The following EEFSEC variants were observed in gnomAD, a reference collection of about 807,000 sequenced individuals.
The protein encoded by EEFSEC is eukaryotic elongation factor, selenocysteine-tRNA specific.
In EEFSEC, 43 loss-of-function variants were observed where a neutral mutation model predicts 42.1. The observed-to-expected ratio is 1.02, with a 90% CI of 0.80 to 1.32. The LOEUF is 1.32. Ranked by LOEUF, EEFSEC falls within the 40% of genes most tolerant of loss-of-function variation. The pLI is 0.00. For synonymous variants in EEFSEC, 354 were observed against 339.1 expected, an observed-to-expected ratio of 1.04 and a Z score of -0.48; for missense variants, 745 against 803.6, an observed-to-expected ratio of 0.93 and a Z score of 0.88.
chr3:128,367,335 G>C (rs1055370817), intron 6 of EEFSEC, among the ~76,000 whole-genome samples: 3 of 152,190 alleles, frequency 2.0e-5, no homozygotes, highest in Non-Finnish European at 2.9e-5. Context: ...GTGCACAGAA[G>C]GTGCACAATG....
intron 6 of EEFSEC, among the ~76,000 whole-genome samples, chr3:128,393,625 TGCAACCTGCCCAGG>T (rs2067943455): frequency 6.6e-6 from 1 of 152,204 alleles, no homozygotes; most frequent in South Asian, 2.1e-4. Flanking sequence ...CACTAAGAGA[TGCAACCTGCCCAGG>T]GCAGAGGCAC....
intron 4 of EEFSEC, among the ~76,000 whole-genome samples, chr3:128,303,047 A>G (rs936603153): frequency 2.0e-5 from 3 of 152,210 alleles, no homozygotes; most frequent in Non-Finnish European, 4.4e-5. Context: ...TTGTATGAGT[A>G]TATCCATGGG....
intron 4 of EEFSEC, among the ~76,000 whole-genome samples, chr3:128,339,828 A>G (rs538058737): frequency 8.8e-4 from 134 of 152,348 alleles, no homozygotes; most frequent in African/African-American, 3.1e-3. Context: ...AGGCTTCACA[A>G]TCATGGTGGA....
intron 6 of EEFSEC, chr3:128,367,722 C>A: frequency 3.0e-6 from 3 of 985,422 alleles, no homozygotes; most frequent in Non-Finnish European, 3.6e-6. Context: ...GAGTGAAGCA[C>A]CACAGTTGGT....
chr3:128,182,884 G>A (rs1310148677), intron 1 of EEFSEC, among the ~76,000 whole-genome samples: 2 of 77,952 alleles, frequency 2.6e-5, no homozygotes, highest in Non-Finnish European at 5.4e-5. Context: ...AGATCGGGGC[G>A]GGGGGGTGGG....
chr3:128,423,478 C>CAATAAATAAATAAATA, the EEFSEC span, among the ~76,000 whole-genome samples: 73 of 150,538 alleles, frequency 4.8e-4, no homozygotes, highest in African/African-American at 1.8e-3. Context: ...GACCCTGTCT[C>CAATAAATAAATAAATA]AATAAATAAA....
intron 4 of EEFSEC, among the ~76,000 whole-genome samples, chr3:128,281,181 A>G (rs1354395731): frequency 6.6e-6 from 1 of 152,216 alleles, no homozygotes; most frequent in Non-Finnish European, 1.5e-5. Context: ...AAGTTAAGTC[A>G]CATATTTTAA....
chr3:128,181,491 A>G (rs1213746032), intron 1 of EEFSEC, among the ~76,000 whole-genome samples: 1 of 152,226 alleles, frequency 6.6e-6, no homozygotes, highest in African/African-American at 2.4e-5. Context: ...ATCCTGATCC[A>G]GATTTAGAAA....
chr3:128,290,749 T>G (rs2066634794), intron 4 of EEFSEC, among the ~76,000 whole-genome samples: 1 of 152,076 alleles, frequency 6.6e-6, no homozygotes. Flanking sequence ...GTTGTTTTGT[T>G]TGTTTGTTTG....
chr3:128,166,923 A>G (rs1445984985), intron 1 of EEFSEC, among the ~76,000 whole-genome samples: 1 of 152,124 alleles, frequency 6.6e-6, no homozygotes, highest in Non-Finnish European at 1.5e-5. Flanking sequence ...CAGAAGGTAT[A>G]GGGATAGAAG....
intron 1 of EEFSEC, among the ~76,000 whole-genome samples, chr3:128,162,228 C>T (rs2065196327): frequency 6.6e-6 from 1 of 152,212 alleles, no homozygotes; most frequent in African/African-American, 2.4e-5. Flanking sequence ...CTCTTCTTCA[C>T]TGAAAGGTAC....
chr3:128,394,471 A>G (rs2067956135), intron 6 of EEFSEC, among the ~76,000 whole-genome samples: 1 of 146,224 alleles, frequency 6.8e-6, no homozygotes, highest in Non-Finnish European at 1.5e-5. Flanking sequence ...TAAAAATGAC[A>G]TTTTTAATAT....
intron 6 of EEFSEC, among the ~76,000 whole-genome samples, chr3:128,368,278 A>T (rs1429697588): frequency 6.6e-6 from 1 of 152,152 alleles, no homozygotes; most frequent in Non-Finnish European, 1.5e-5. Flanking sequence ...ATAAAAATTT[A>T]AAAATTAGCT....
chr3:128,153,926 C>T (rs1321679706), intron 1 of EEFSEC, 103 bp downstream of exon 1: 2 of 1,400,332 alleles, frequency 1.4e-6, no homozygotes, highest in Non-Finnish European at 1.8e-6. Context: ...GGAAATCGCC[C>T]CACCTCATTG....
chr3:128,193,799 C>T (rs948970329), intron 1 of EEFSEC, among the ~76,000 whole-genome samples: 3 of 152,272 alleles, frequency 2.0e-5, no homozygotes, highest in East Asian at 3.9e-4. Context: ...CCTAGTTGCT[C>T]GGCTGTCCCT....
intron 2 of EEFSEC, among the ~76,000 whole-genome samples, chr3:128,250,505 A>T (rs2107905933): frequency 6.6e-6 from 1 of 152,188 alleles, no homozygotes; most frequent in Non-Finnish European, 1.5e-5. Context: ...TGTTGAAAAG[A>T]TTGTCTTTTC....
chr3:128,325,262 G>T (rs965619002), intron 4 of EEFSEC, among the ~76,000 whole-genome samples: 1 of 152,248 alleles, frequency 6.6e-6, no homozygotes, highest in Non-Finnish European at 1.5e-5. Context: ...GTTGTCTTTT[G>T]TGACAGCTTC....
At chr3:128,199,899 A>C (rs2065625547) in intron 1 of EEFSEC, among the ~76,000 whole-genome samples, 1 of 151,894 alleles carries the variant, frequency 6.6e-6, no homozygotes, top group African/African-American at 2.4e-5. Flanking sequence ...ACGCCCTGCT[A>C]ATTTTTATAT....
chr3:128,281,154 G>T (rs1338345808), intron 4 of EEFSEC, among the ~76,000 whole-genome samples: 2 of 152,232 alleles, frequency 1.3e-5, no homozygotes, highest in African/African-American at 4.8e-5. Context: ...CAGGTGAGGG[G>T]AATCCAAGGT....
Sources: gnomAD v4.1 joint callset for allele counts (sites outside exome capture counted in the v4.1 genomes callset) on GRCh38, gnomAD v4.1.1 for gene constraint, MANE v1.5 for transcripts, NCBI Gene and HGNC (gene_info 2026-07-23, HGNC 2026-07-21) for gene names.